The following GIGYF2 variants were observed in gnomAD, a reference collection of about 807,000 sequenced individuals.
GIGYF2 encodes the protein GRB10-interacting GYF protein 2.
GIGYF2 carries 25 observed loss-of-function variants against 208.1 expected under a neutral mutation model. The observed-to-expected ratio is 0.12, with a 90% confidence interval of 0.09 to 0.17. GIGYF2 has a LOEUF of 0.17. GIGYF2 is among the 10% of genes least tolerant of loss of function. The probability of loss-of-function intolerance (pLI) is 1.00; values close to 1 mark genes in which losing one functional copy is unlikely to be tolerated. For synonymous variants in GIGYF2, 534 were observed against 543.8 expected (o/e 0.98, Z 0.25); for missense variants, 1,302 against 1,579.4 (o/e 0.82, Z 2.98).
At chr2:232,740,194 G>A (rs1476990299) in intron 3 of GIGYF2, among the ~76,000 whole-genome samples, 1 of 152,114 alleles carries the variant, frequency 6.6e-6, no homozygotes, top group Admixed American at 6.6e-5. Flanking sequence ...GTGGTGGCAT[G>A]CACCTGTAGT....
At chr2:232,791,225 C>G in intron 11 of GIGYF2, 33 bp from the exon 12 acceptor site, 2 of 1,613,688 alleles carry the variant, frequency 1.2e-6, no homozygotes, top group South Asian at 1.1e-5. Context: ...CCAAAACTTT[C>G]GTAAGTTCAA....
Position 232,857,143 on chromosome 2 carries a change from T to C in GIGYF2, c.*283T>C, listed in dbSNP as rs1273847870. On this transcript the variant is annotated 3_prime_UTR_variant, in exon 29 of 29. Transcript: ENST00000373563. Reference sequence around the variant, plus strand: ...CTGATTTTAGGCAGCATGTGTTCACTGTGCTGTGATTTCATCTACTGTCTC... The same window carrying C: ...CTGATTTTAGGCAGCATGTGTTCACCGTGCTGTGATTTCATCTACTGTCTC... 2 of 511,088 alleles carry C rather than the reference T, an allele frequency of 3.9e-6. No homozygotes were observed. The highest frequency in any genetic ancestry group is 3.8e-5 in the African/African-American group (2 of 52,042). The allele number at this position is 511,088 out of a possible 1,614,324, so 31.7% of individuals were successfully genotyped here. A position where few individuals can be genotyped will look rare whatever the true frequency, so the allele number is the denominator to read the frequency against.
intron 28 of GIGYF2, among the ~76,000 whole-genome samples, chr2:232,851,616 T>A (rs1230355679): frequency 6.6e-6 from 1 of 152,104 alleles, no homozygotes; most frequent in Non-Finnish European, 1.5e-5. Flanking sequence ...GAGGGGTTTT[T>A]GCCATGTTGG....
rs11887276 is a variant in GIGYF2, at chr2:232,776,987, G to A, written c.533-10163G>A. Among the ~76,000 whole-genome samples, 23 of 151,830 alleles carry A rather than the reference G, an allele frequency of 1.5e-4. No individual in the cohort carries two copies. The South Asian group carries it at 4.8e-3, about 32-fold the overall frequency. ...GATTTATTTGGATAAGGACTTATAG[G>A]CATAAATTAATGCATTGATTTTCTT... On this transcript the variant is annotated intron_variant, in intron 8 of 28. Transcript: ENST00000373563.
In GIGYF2 at chr2:232,770,880, T is replaced by C. The variant is rs534763826; in HGVS notation, c.532+9444T>C. On this transcript the variant is annotated intron_variant, in intron 8 of 28. Coordinates refer to ENST00000373563, the MANE Select transcript of GIGYF2 (RefSeq NM_001103146.3). ...TTGTTTTGTTTTTGTTTTTGTTTTT[T>C]TTAAGAACAAAGACAAAATTACCTG... 88 of 1,571,358 alleles carry C rather than the reference T, an allele frequency of 5.6e-5. No homozygotes were observed. The Admixed American group carries it at 1.4e-3, about 25-fold the overall frequency.
At chr2:232,773,715 A>G (rs534287035) in intron 8 of GIGYF2, among the ~76,000 whole-genome samples, 1 of 152,226 alleles carries the variant, frequency 6.6e-6, no homozygotes, top group East Asian at 1.9e-4. Context: ...GCCAGGAATC[A>G]TACCAAATAC....
intron 1 of GIGYF2, 81 bp from the exon 2 acceptor site, chr2:232,703,343 T>A (rs1358934461): frequency 6.6e-6 from 1 of 152,646 alleles, no homozygotes; most frequent in Admixed American, 6.5e-5. Flanking sequence ...CTGCAAAGTA[T>A]ATTTATGATG....
At chr2:232,732,181 T>C (rs539132626) in intron 2 of GIGYF2, among the ~76,000 whole-genome samples, 2 of 152,350 alleles carry the variant, frequency 1.3e-5, no homozygotes, top group South Asian at 4.1e-4. Flanking sequence ...TTGATGCTTG[T>C]GAAGATTTTA....
chr2:232,823,264 A>G (rs936693529), intron 21 of GIGYF2, among the ~76,000 whole-genome samples: 3 of 151,520 alleles, frequency 2.0e-5, no homozygotes, highest in Admixed American at 6.6e-5. Context: ...TGTTAAGAAT[A>G]TTTGCATCTA....
At chr2:232,849,711 C>T (rs1006232669) in intron 27 of GIGYF2, among the ~76,000 whole-genome samples, 2 of 152,230 alleles carry the variant, frequency 1.3e-5, no homozygotes, top group East Asian at 1.9e-4. Flanking sequence ...CACAAGTAGG[C>T]GTGAAGGGCT....
Position 232,847,513 on chromosome 2 carries a change from T to A in GIGYF2, c.3626T>A (p.Leu1209Gln), listed in dbSNP as rs114013774. The change falls in exon 27 of 29, where the codon CTG (leucine) becomes CAG (glutamine). Residue 1209 changes from leucine (L) to glutamine (Q), a missense_variant. Coordinates refer to ENST00000373563, the MANE Select transcript of GIGYF2 (RefSeq NM_001103146.3). ...AACCAGCAGCGTCAGCAGCAGCAGC[T>A]GCCACAGCAGCAGCAGCAGCAGCCG... ...KANQQRQQQQ[L>Q]PQQQQQQPPQ... The A allele has an allele frequency of 1.5e-6, 2 of 1,365,548 alleles. No individual in the cohort carries two copies. The highest frequency in any genetic ancestry group is 2.0e-6 in the Non-Finnish European group (2 of 996,618). The allele number at this position is 1,365,548 out of a possible 1,614,324, so 84.6% of individuals were successfully genotyped here.
In GIGYF2 at chr2:232,836,258, CTCTACATATATATATATATA is replaced by C. The variant is rs1259209542; in HGVS notation, c.2766+3167_2766+3186del. Among the ~76,000 whole-genome samples, 19 of 96,938 alleles carry C rather than the reference CTCTACATATATATATATATA, an allele frequency of 2.0e-4. 1 individual carries two copies. The highest frequency in any genetic ancestry group is 8.6e-4 in the African/African-American group (19 of 22,076). The allele number at this position is 96,938 out of a possible 152,430, so 63.6% of individuals were successfully genotyped here. ...CCTGGGCAACATGGTGAAACCCCAT[CTCTACATATATATATATATA>C]TATATATATATATATATATATATAT... On this transcript the variant is annotated intron_variant, in intron 22 of 28. Transcript: ENST00000373563.
chr2:232,819,834 C>A lies in GIGYF2; in HGVS notation c.2378C>A (p.Ala793Asp). 7.9e-7 allele frequency: 1 copy of A among 1,262,978 alleles called. No individual in the cohort carries two copies. The highest frequency in any genetic ancestry group is 1.1e-6 in the Non-Finnish European group (1 of 947,114). The allele number at this position is 1,262,978 out of a possible 1,614,324, so 78.2% of individuals were successfully genotyped here. A position where few individuals can be genotyped will look rare whatever the true frequency, so the allele number is the denominator to read the frequency against. The change falls in exon 21 of 29, where the codon GCT (alanine) becomes GAT (aspartate). Residue 793 changes from alanine to aspartate, a missense_variant. Transcript: ENST00000373563. The part of the protein sequence containing the change: ...EELARRKQEE[A>D]LRRQREQEIA... The stretch of plus-strand genomic sequence containing the variant: ...TCCATCTTTTTTCCTTAGGAAGAGG[C>A]TCTGCGTCGCCAGCGGGAGCAAGAA...
intron 8 of GIGYF2, among the ~76,000 whole-genome samples, chr2:232,779,776 A>C (rs1197620050): frequency 6.6e-6 from 1 of 152,168 alleles, no homozygotes; most frequent in Non-Finnish European, 1.5e-5. Flanking sequence ...CCAGCTGAGC[A>C]GGTTATTTAT....
At chr2:232,760,685 A>G in intron 7 of GIGYF2, 94 bp downstream of exon 7, 2 of 770,744 alleles carry the variant, frequency 2.6e-6, no homozygotes, top group Admixed American at 4.1e-5. Flanking sequence ...GTACAGTTAA[A>G]GGGTTTCATT....
intron 3 of GIGYF2, among the ~76,000 whole-genome samples, chr2:232,744,328 T>G (rs964252105): frequency 1.3e-5 from 2 of 152,166 alleles, no homozygotes; most frequent in African/African-American, 4.8e-5. Flanking sequence ...ACATGGTGAT[T>G]ATTTGCCAAT....
intron 22 of GIGYF2, among the ~76,000 whole-genome samples, chr2:232,837,165 C>T (rs1701665745): frequency 1.3e-5 from 2 of 152,200 alleles, no homozygotes; most frequent in Non-Finnish European, 2.9e-5. Flanking sequence ...ATCTGTTGCA[C>T]TTGTTTGGAA....
intron 2 of GIGYF2, among the ~76,000 whole-genome samples, chr2:232,714,911 C>G (rs997733424): frequency 6.6e-6 from 1 of 151,968 alleles, no homozygotes; most frequent in Non-Finnish European, 1.5e-5. Context: ...TTATTTTTCC[C>G]GATCCTCTCC....
chr2:232,838,586 C>T (rs796755521), intron 22 of GIGYF2, among the ~76,000 whole-genome samples: 35 of 152,336 alleles, frequency 2.3e-4, no homozygotes, highest in African/African-American at 7.7e-4. Flanking sequence ...TATGCTGATT[C>T]TCCTGCCTTC....
Sources: gnomAD v4.1 joint callset for allele counts (sites outside exome capture counted in the v4.1 genomes callset) on GRCh38, gnomAD v4.1.1 for gene constraint, MANE v1.5 for transcripts, NCBI Gene and HGNC (gene_info 2026-07-23, HGNC 2026-07-21) for gene names.